Variants in GLRA2 observed in about 807,000 individuals in gnomAD.
The protein encoded by GLRA2 is glycine receptor subunit alpha-2.
A neutral mutation model predicts 31.6 loss-of-function variants in GLRA2; 11 were observed. That is an observed-to-expected ratio of 0.35 (90% CI 0.22 to 0.58). The LOEUF is 0.58. Ranked by LOEUF, GLRA2 falls within the 20% of genes least tolerant of loss-of-function variation. The pLI is 0.84. For missense variants in GLRA2, 212 were observed against 351.8 expected (o/e 0.60, Z 3.18); for synonymous variants, 132 against 134.0 (o/e 0.99, Z 0.10).
At chrX:14,680,839 T>G (rs921538420) in intron 7 of GLRA2, among the ~76,000 whole-genome samples, 18 of 111,797 alleles carry the variant, frequency 1.6e-4, no homozygotes, top group African/African-American at 5.9e-4. Flanking sequence ...TGCTGATTGC[T>G]AGAAGATGGG....
chrX:14,619,995 G>GC (rs112559607), intron 7 of GLRA2, among the ~76,000 whole-genome samples: 106 of 94,224 alleles, frequency 1.1e-3, no homozygotes, highest in African/African-American at 3.2e-3. Flanking sequence ...CTAGCCAGGC[G>GC]CCCCCCCGTT....
chrX:14,547,870 A>C (rs1035733286), intron 2 of GLRA2, among the ~76,000 whole-genome samples: 3 of 111,863 alleles, frequency 2.7e-5, no homozygotes, highest in East Asian at 2.8e-4. Context: ...ATCCTAGACT[A>C]GTTCAAGAAG....
chrX:14,455,909 C>T, the GLRA2 span, among the ~76,000 whole-genome samples: 3 of 111,408 alleles, frequency 2.7e-5, no homozygotes, highest in Non-Finnish European at 5.7e-5. Flanking sequence ...GAGTTATATT[C>T]GTAAATGAAA....
the GLRA2 span, among the ~76,000 whole-genome samples, chrX:14,452,673 G>T: frequency 1.8e-5 from 2 of 108,297 alleles, no homozygotes; most frequent in African/African-American, 3.3e-5. Flanking sequence ...TGAAGGATGA[G>T]AAGTATTTTA....
the GLRA2 span, among the ~76,000 whole-genome samples, chrX:14,465,905 T>C: frequency 1.8e-5 from 2 of 112,201 alleles, no homozygotes; most frequent in Non-Finnish European, 3.8e-5. Context: ...TTTTAACTTA[T>C]TATAATTGTG....
intron 5 of GLRA2, among the ~76,000 whole-genome samples, chrX:14,606,153 CT>C (rs2090331488): frequency 3.7e-5 from 3 of 80,559 alleles, no homozygotes; most frequent in African/African-American, 1.5e-4. Context: ...AATCCATAAA[CT>C]TAAAAAAAAA....
chrX:14,676,085 T>G (rs976172512), intron 7 of GLRA2, among the ~76,000 whole-genome samples: 5 of 112,629 alleles, frequency 4.4e-5, no homozygotes, highest in Admixed American at 9.4e-5. Flanking sequence ...AACAGTTATC[T>G]CTCATTTCAA....
chrX:14,485,895 A>C, the GLRA2 span, among the ~76,000 whole-genome samples: 1 of 111,846 alleles, frequency 8.9e-6, no homozygotes, highest in Non-Finnish European at 1.9e-5. Flanking sequence ...ATCTATCCCT[A>C]TAGTGCCTTT....
At chrX:14,629,709 A>G (rs1292273814) in intron 7 of GLRA2, among the ~76,000 whole-genome samples, 2 of 111,593 alleles carry the variant, frequency 1.8e-5, no homozygotes, top group Non-Finnish European at 3.8e-5. Context: ...TTTTTAATGC[A>G]TGTAGCCTTT....
intron 7 of GLRA2, among the ~76,000 whole-genome samples, chrX:14,681,841 G>A (rs1400466012): frequency 3.3e-5 from 3 of 90,391 alleles, no homozygotes; most frequent in African/African-American, 8.2e-5. Flanking sequence ...GCAGTGAGCC[G>A]AGATCGCGCC....
At chrX:14,542,206 G>A (rs1249260094) in intron 2 of GLRA2, among the ~76,000 whole-genome samples, 2 of 111,994 alleles carry the variant, frequency 1.8e-5, no homozygotes, top group Admixed American at 9.4e-5. Flanking sequence ...TGGTATAGGA[G>A]CTTTATGTTG....
chrX:14,501,787 A>C, the GLRA2 span, among the ~76,000 whole-genome samples: 1 of 111,954 alleles, frequency 8.9e-6, no homozygotes, highest in Non-Finnish European at 1.9e-5. Flanking sequence ...CTGCCATAGC[A>C]AAGTACCACA....
At chrX:14,472,916 A>T in the GLRA2 span, among the ~76,000 whole-genome samples, 1 of 111,212 alleles carries the variant, frequency 9.0e-6, no homozygotes, top group Non-Finnish European at 1.9e-5. Context: ...AAGAAGAGAG[A>T]GAGTAGAGTT....
the GLRA2 span, among the ~76,000 whole-genome samples, chrX:14,508,534 G>C: frequency 8.9e-6 from 1 of 111,808 alleles, no homozygotes; most frequent in South Asian, 3.8e-4. Context: ...CATTTAATTA[G>C]TGCATTTTGC....
chrX:14,637,326 A>G (rs2090720790), intron 7 of GLRA2, among the ~76,000 whole-genome samples: 1 of 112,213 alleles, frequency 8.9e-6, no homozygotes, highest in East Asian at 2.8e-4. Context: ...GTGGGGAACT[A>G]TGGGGGAGGT....
the GLRA2 span, among the ~76,000 whole-genome samples, chrX:14,515,528 TCTTAA>T: frequency 2.2e-4 from 25 of 112,060 alleles, no homozygotes; most frequent in Middle Eastern, 9.3e-3. Flanking sequence ...CCCCGGTGTT[TCTTAA>T]CTTCTCTTTG....
At chrX:14,564,892 T>C (rs985023456) in intron 2 of GLRA2, among the ~76,000 whole-genome samples, 1 of 110,893 alleles carries the variant, frequency 9.0e-6, no homozygotes, top group Admixed American at 9.7e-5. Context: ...AAAGAAAATA[T>C]GTGAAAAGTT....
At chrX:14,648,611 C>T (rs1270339833) in intron 7 of GLRA2, among the ~76,000 whole-genome samples, 1 of 111,317 alleles carries the variant, frequency 9.0e-6, no homozygotes, top group Non-Finnish European at 1.9e-5. Context: ...CTGAACAGAA[C>T]GCTTATATCC....
At chrX:14,680,417 T>C (rs1359486992) in intron 7 of GLRA2, among the ~76,000 whole-genome samples, 1 of 112,292 alleles carries the variant, frequency 8.9e-6, no homozygotes. Flanking sequence ...ATAACAGCAC[T>C]TTGAGAACTT....
Sources: gnomAD v4.1 joint callset for allele counts (sites outside exome capture counted in the v4.1 genomes callset) on GRCh38, gnomAD v4.1.1 for gene constraint, MANE v1.5 for transcripts, NCBI Gene and HGNC (gene_info 2026-07-23, HGNC 2026-07-21) for gene names.